Variants in PTPRN2 observed in about 807,000 individuals in gnomAD.
PTPRN2 encodes the protein receptor-type tyrosine-protein phosphatase N2.
PTPRN2 carries 74 observed loss-of-function variants against 118.8 expected under a neutral mutation model. That is an observed-to-expected ratio of 0.62 (90% CI 0.52 to 0.76). PTPRN2 has a LOEUF of 0.76. PTPRN2 is among the 30% of genes least tolerant of loss of function. The probability of loss-of-function intolerance (pLI) is 0.00; values close to 1 mark genes in which losing one functional copy is unlikely to be tolerated. For missense variants in PTPRN2, 1,481 were observed against 1,394.4 expected (o/e 1.06, Z -0.99); for synonymous variants, 641 against 608.0 (o/e 1.05, Z -0.80).
intron 13 of PTPRN2, among the ~76,000 whole-genome samples, chr7:157,657,430 ACACACACACAC>A (rs1795591875): frequency 1.3e-4 from 1 of 7,856 alleles, no homozygotes; most frequent in Non-Finnish European, 5.6e-4. Flanking sequence ...CACATACGCC[ACACACACACAC>A]CACACACATC....
intron 14 of PTPRN2, among the ~76,000 whole-genome samples, chr7:157,645,223 A>G (rs1563296047): frequency 1.3e-5 from 2 of 152,010 alleles, no homozygotes; most frequent in South Asian, 4.2e-4. Flanking sequence ...GTCCAAAACC[A>G]CTCTTGGAAG....
In PTPRN2 at chr7:157,568,984, G is replaced by C; in HGVS notation, c.2838-18C>G. The stretch of plus-strand genomic sequence containing the variant: ...CACCGTCACTGCCAACAGAAGGAGA[G>C]AAATGAAAGTGCTGCCGTCCACACG... On this transcript the variant is annotated intron_variant, in intron 20 of 22. Transcript: ENST00000389418. The C allele has an allele frequency of 6.5e-7, 1 of 1,544,106 alleles. No individual in the cohort carries two copies. The highest frequency in any genetic ancestry group is 9.0e-7 in the Non-Finnish European group (1 of 1,117,168).
intron 1 of PTPRN2, among the ~76,000 whole-genome samples, chr7:158,538,383 C>G (rs1306017969): frequency 6.6e-6 from 1 of 152,218 alleles, no homozygotes; most frequent in African/African-American, 2.4e-5. Context: ...GCGGCGTGTC[C>G]CTCTGGGAAT....
At chr7:157,837,808 G>A (rs1048713698) in intron 12 of PTPRN2, among the ~76,000 whole-genome samples, 3 of 152,208 alleles carry the variant, frequency 2.0e-5, no homozygotes, top group South Asian at 2.1e-4. Flanking sequence ...TGTTAGACAC[G>A]GAGCCTTGGA....
intron 2 of PTPRN2, among the ~76,000 whole-genome samples, chr7:158,422,609 T>C (rs937113952): frequency 1.3e-5 from 2 of 152,126 alleles, no homozygotes; most frequent in Non-Finnish European, 2.9e-5. Flanking sequence ...CGGGATGTCA[T>C]ACCTGGGCTG....
intron 5 of PTPRN2, among the ~76,000 whole-genome samples, chr7:158,168,659 C>T (rs1823250385): frequency 6.6e-6 from 1 of 152,134 alleles, no homozygotes. Flanking sequence ...GTCTCTTGTT[C>T]GATAATTACC....
At chr7:157,883,872 C>G (rs1286387555) in intron 12 of PTPRN2, among the ~76,000 whole-genome samples, 1 of 148,808 alleles carries the variant, frequency 6.7e-6, no homozygotes, top group Non-Finnish European at 1.5e-5. Context: ...CTGTCAGAAA[C>G]TAGAACACAC....
At chr7:157,701,274 G>A (rs531724677) in intron 12 of PTPRN2, among the ~76,000 whole-genome samples, 7 of 152,264 alleles carry the variant, frequency 4.6e-5, no homozygotes, top group South Asian at 2.1e-4. Flanking sequence ...GGAGAGCTCC[G>A]TTCTTAGCTA....
chr7:158,151,083 G>GCCCACACCGACCACCCTTCTGCTCCTGCC (rs1563520628), intron 6 of PTPRN2, among the ~76,000 whole-genome samples: 1 of 22,378 alleles, frequency 4.5e-5, no homozygotes, highest in African/African-American at 1.1e-4. Flanking sequence ...TCTTGCCCCT[G>GCCCACACCGACCACCCTTCTGCTCCTGCC]CCTGCCCAAA....
chr7:158,495,199 C>T (rs1415300599), intron 1 of PTPRN2, among the ~76,000 whole-genome samples: 2 of 152,190 alleles, frequency 1.3e-5, no homozygotes, highest in Non-Finnish European at 2.9e-5. Context: ...TGTTTCCCAC[C>T]TCTCCCTGCA....
At chr7:157,899,286 G>A (rs1006508040) in intron 11 of PTPRN2, among the ~76,000 whole-genome samples, 2 of 152,158 alleles carry the variant, frequency 1.3e-5, no homozygotes, top group South Asian at 4.1e-4. Context: ...TTCTCCTGAT[G>A]TAGAATGAGG....
At chr7:157,650,570 G>A (rs892010389) in intron 14 of PTPRN2, among the ~76,000 whole-genome samples, 5 of 152,252 alleles carry the variant, frequency 3.3e-5, no homozygotes, top group South Asian at 2.1e-4. Flanking sequence ...CAGCCCAGCC[G>A]CGTGGCCCCA....
In PTPRN2 at chr7:157,764,077, A is replaced by G. The variant is rs1380115129; in HGVS notation, c.1789-81140T>C. On this transcript the variant is annotated intron_variant, in intron 12 of 22. Coordinates refer to ENST00000389418, the MANE Select transcript of PTPRN2 (RefSeq NM_002847.5). This position sits in a 1 kb window ranked among gnomAD's most constrained non-coding sequence, Gnocchi z 4.5. ...CTCTAGGATGGCCGTAACTAAACACACACACACAACAAAAACGTGCTGGCG... is the reference window on the plus strand; with the variant it reads ...CTCTAGGATGGCCGTAACTAAACACGCACACACAACAAAAACGTGCTGGCG... Among the ~76,000 whole-genome samples the G allele has an allele frequency of 6.6e-6, 1 of 152,166 alleles. No homozygotes were observed. The highest frequency in any genetic ancestry group is 1.5e-5 in the Non-Finnish European group (1 of 68,030).
At chr7:158,225,312 C>A (rs187193077) in intron 3 of PTPRN2, among the ~76,000 whole-genome samples, 86 of 152,206 alleles carry the variant, frequency 5.7e-4, no homozygotes, top group African/African-American at 1.9e-3. Context: ...TAGCCCCAAA[C>A]TGGGAACCAC....
chr7:158,124,152 A>G (rs528838930), intron 9 of PTPRN2, among the ~76,000 whole-genome samples: 1 of 152,352 alleles, frequency 6.6e-6, no homozygotes, highest in South Asian at 2.1e-4. Flanking sequence ...GCATTCCATC[A>G]TCAAATGGAA....
rs543191762 is a variant in PTPRN2 at position 157,895,667 on chromosome 7, T to A, written c.1788+3006A>T. On this transcript the variant is annotated intron_variant, in intron 12 of 22. Transcript: ENST00000389418. ...TGGGAGACAATTTCAGGAAATAATC[T>A]GTCGTGTAGCATCGAGGGAGGGAGA... is the stretch of plus-strand genomic sequence containing the variant. 7.9e-5 allele frequency among the ~76,000 whole-genome samples: 12 copies of A among 152,264 alleles called. No individual in the cohort carries two copies. The South Asian group carries it at 2.5e-3, about 32-fold the overall frequency.
intron 11 of PTPRN2, among the ~76,000 whole-genome samples, chr7:158,002,529 G>A (rs1171745712): frequency 6.6e-6 from 1 of 152,104 alleles, no homozygotes; most frequent in Non-Finnish European, 1.5e-5. Context: ...AAGGAACAAC[G>A]GGGCCAAATG....
chr7:157,827,796 C>T (rs991335977), intron 12 of PTPRN2, among the ~76,000 whole-genome samples: 5 of 152,218 alleles, frequency 3.3e-5, no homozygotes, highest in Admixed American at 6.5e-5. Flanking sequence ...GCCCCGCCCT[C>T]GCCGGCTGTG....
intron 10 of PTPRN2, among the ~76,000 whole-genome samples, chr7:158,088,054 G>A (rs1474661818): frequency 2.4e-5 from 2 of 81,642 alleles, no homozygotes; most frequent in African/African-American, 6.8e-5. Flanking sequence ...TGATGAAGGA[G>A]GGAGTCTTCA....
Sources: gnomAD v4.1 joint callset for allele counts (sites outside exome capture counted in the v4.1 genomes callset) on GRCh38, gnomAD v4.1.1 for gene constraint, Gnocchi (gnomAD v3.1) non-coding constraint, MANE v1.5 for transcripts, NCBI Gene and HGNC (gene_info 2026-07-23, HGNC 2026-07-21) for gene names.